Variants in CD33 observed in about 807,000 individuals in gnomAD.
CD33 encodes CD33 molecule, also known as myeloid cell surface antigen CD33.
A neutral mutation model predicts 31.4 loss-of-function variants in CD33; 25 were observed. The ratio of observed to expected loss-of-function variants is 0.80; its 90% confidence interval spans 0.58 to 1.11. The LOEUF is 1.11. CD33 is among the 50% of genes most tolerant of loss of function. The pLI, the probability that CD33 is intolerant of heterozygous loss-of-function variation, is 0.00. For synonymous variants in CD33, 176 were observed against 180.6 expected, an observed-to-expected ratio of 0.97 and a Z score of 0.20; for missense variants, 407 against 448.1, an observed-to-expected ratio of 0.91 and a Z score of 0.83.
the CD33 span, among the ~76,000 whole-genome samples, chr19:51,216,816 T>C: frequency 6.6e-6 from 1 of 152,196 alleles, no homozygotes; most frequent in African/African-American, 2.4e-5. Flanking sequence ...GAACCATCTC[T>C]GTACCTGATG....
At chr19:51,228,891 A>C (rs1981220873) in intron 4 of CD33, among the ~76,000 whole-genome samples, 1 of 151,992 alleles carries the variant, frequency 6.6e-6, no homozygotes, top group Non-Finnish European at 1.5e-5. Context: ...GATGGTTTTT[A>C]TTTCTTTCTC....
rs1982042544 is a variant in CD33 at position 51,239,701 on chromosome 19, A to T, written c.*13A>T. On this transcript the variant is annotated 3_prime_UTR_variant, in exon 7 of 7. Transcript: ENST00000262262. ...CAGGACCCAGTGAGGAACCCACAAG[A>T]GCATCAGGCTCAGCTAGAAGATCCA... 1 of 1,600,210 alleles carries T rather than the reference A, an allele frequency of 6.2e-7. No individual in the cohort carries two copies. Among genetic ancestry groups the T allele is most frequent in the Non-Finnish European group, 8.5e-7 (1 of 1,173,806 alleles).
intron 4 of CD33, among the ~76,000 whole-genome samples, chr19:51,227,304 C>T (rs1981105094): frequency 6.6e-6 from 1 of 152,130 alleles, no homozygotes; most frequent in South Asian, 2.1e-4. Context: ...TACTCTTCTC[C>T]ATAGTGGTTA....
chr19:51,226,270 C>G (rs1568432412), intron 3 of CD33, 39 bp from the exon 4 acceptor site: 1 of 1,597,896 alleles, frequency 6.3e-7, no homozygotes, highest in Admixed American at 1.7e-5. Context: ...TATCTCATCT[C>G]TACCCCCAAC....
At chr19:51,223,572 A>C (rs556259817), upstream of CD33, among the ~76,000 whole-genome samples, 11 of 152,340 alleles carry the variant, frequency 7.2e-5, no homozygotes, top group African/African-American at 2.2e-4. Flanking sequence ...GCCATATTTA[A>C]CTGTGAGAAG....
At chr19:51,213,655 GCCTCGCAAGTAGCTGAGTTTACAGGCAC>G in the CD33 span, among the ~76,000 whole-genome samples, 1,421 of 151,306 alleles carry the variant, frequency 9.4e-3, 24 homozygotes, top group African/African-American at 0.033. Flanking sequence ...TCGTGCCTCA[GCCTCGCAAGTAGCTGAGTTTACAGGCAC>G]CCACCACAAT....
chr19:51,221,832 A>C (rs1980702247), upstream of CD33, among the ~76,000 whole-genome samples: 3 of 152,240 alleles, frequency 2.0e-5, no homozygotes, highest in South Asian at 2.1e-4. Context: ...TAAAGGGAAC[A>C]AACTATAGAT....
At chr19:51,221,955 G>A (rs910837248), upstream of CD33, among the ~76,000 whole-genome samples, 14 of 152,264 alleles carry the variant, frequency 9.2e-5, no homozygotes, top group Middle Eastern at 0.01. Context: ...CTGTGAAAAG[G>A]CAATACAGTA....
intron 4 of CD33, 148 bp downstream of exon 4, chr19:51,226,504 T>C (rs1470634850): frequency 1.6e-6 from 1 of 640,968 alleles, no homozygotes; most frequent in African/African-American, 1.8e-5. Context: ...AAAGGATATT[T>C]GGGGATGACT....
chr19:51,229,543 G>C (rs1981264913), intron 4 of CD33, among the ~76,000 whole-genome samples: 1 of 151,922 alleles, frequency 6.6e-6, no homozygotes, highest in East Asian at 1.9e-4. Context: ...CTTTGTTGGG[G>C]GGCCTTTTAT....
chr19:51,234,010 G>T (rs544889718), intron 4 of CD33, among the ~76,000 whole-genome samples: 1 of 152,062 alleles, frequency 6.6e-6, no homozygotes, highest in Non-Finnish European at 1.5e-5. Context: ...AGGCACCTCC[G>T]GTGAGCCATT....
upstream of CD33, among the ~76,000 whole-genome samples, chr19:51,224,806 A>G (rs372830787): frequency 4.6e-5 from 7 of 152,100 alleles, no homozygotes; most frequent in African/African-American, 1.7e-4. Flanking sequence ...GAAGGACTTT[A>G]GACATGGGGT....
At chr19:51,227,851 TGTCTTATATTCAG>T (rs1981139927) in intron 4 of CD33, among the ~76,000 whole-genome samples, 1 of 152,306 alleles carries the variant, frequency 6.6e-6, no homozygotes, top group Admixed American at 6.5e-5. Context: ...TTAAATTTTG[TGTCTTATATTCAG>T]GTCTTTGATC....
chr19:51,211,590 T>A, the CD33 span: 1 of 1,500,512 alleles, frequency 6.7e-7, no homozygotes, highest in Non-Finnish European at 8.9e-7. Context: ...ATGTGACAGG[T>A]GAGGCACAGG....
intron 4 of CD33, 101 bp from the exon 5 acceptor site, chr19:51,235,056 C>T: frequency 2.2e-6 from 2 of 891,268 alleles, no homozygotes; most frequent in Non-Finnish European, 3.6e-6. Flanking sequence ...AGCTAAACCC[C>T]ATTTTGGAGG....
At chr19:51,234,294 G>A (rs1364661596) in intron 4 of CD33, among the ~76,000 whole-genome samples, 5 of 152,120 alleles carry the variant, frequency 3.3e-5, no homozygotes, top group Non-Finnish European at 7.4e-5. Context: ...ATTGTCACCT[G>A]AAGCCCATAG....
chr19:51,239,428 G>C, intron 6 of CD33, 90 bp from the exon 7 acceptor site: 1 of 896,760 alleles, frequency 1.1e-6, no homozygotes, highest in East Asian at 2.7e-5. Context: ...TGTTCTGTCA[G>C]AGTCAAATTT....
At chr19:51,212,548 C>T in the CD33 span, among the ~76,000 whole-genome samples, 2 of 150,270 alleles carry the variant, frequency 1.3e-5, no homozygotes, top group Non-Finnish European at 1.5e-5. Flanking sequence ...TCCCCTCAGA[C>T]CCCACACACA....
At chr19:51,214,201 CTTT>C in the CD33 span, among the ~76,000 whole-genome samples, 1 of 98,090 alleles carries the variant, frequency 1.0e-5, no homozygotes, top group Non-Finnish European at 2.1e-5. Flanking sequence ...TCTTTTCTTT[CTTT>C]TTTTTTTTTT....
Sources: allele counts gnomAD v4.1 joint callset (sites outside exome capture counted in the v4.1 genomes callset), GRCh38; gene constraint gnomAD v4.1.1; transcripts MANE v1.5; gene names NCBI Gene and HGNC (gene_info 2026-07-23, HGNC 2026-07-21).